The following CRBN variants were observed in gnomAD, a reference collection of about 807,000 sequenced individuals.
CRBN encodes cereblon.
Under a neutral mutation model 62.2 loss-of-function variants are expected in CRBN, and 53 were observed. The observed-to-expected ratio is 0.85, with a 90% CI of 0.68 to 1.07. CRBN has a LOEUF of 1.07. Among genes scored for constraint, CRBN ranks in the 50% least tolerant of loss-of-function variants. The pLI, the probability that CRBN is intolerant of heterozygous loss-of-function variation, is 0.00. For synonymous variants in CRBN, 208 were observed against 176.1 expected (o/e 1.18, Z -1.43); for missense variants, 616 against 531.1 (o/e 1.16, Z -1.57).
intron 4 of CRBN, among the ~76,000 whole-genome samples, chr3:3,170,555 T>C (rs534869601): frequency 4.6e-5 from 7 of 152,284 alleles, no homozygotes; most frequent in Admixed American, 3.3e-4. Flanking sequence ...ACCTCTCTAG[T>C]ACCTGGCATT....
At chr3:3,161,364 T>C (rs1269566922) in intron 5 of CRBN, among the ~76,000 whole-genome samples, 2 of 152,226 alleles carry the variant, frequency 1.3e-5, no homozygotes, top group African/African-American at 4.8e-5. Context: ...CAATGTAATA[T>C]ATTTCACTTA....
Position 3,159,426 on chromosome 3 carries a change from C to A in CRBN, c.688-3145G>T, listed in dbSNP as rs529742813. On this transcript the variant is annotated intron_variant, in intron 5 of 10. Transcript: ENST00000231948. ...TATCAGAATGGTCACTTTTGTAATA[C>A]AAAAGAAATGTAAAAAAGTGTAGTA... 7.9e-5 allele frequency among the ~76,000 whole-genome samples: 12 copies of A among 152,100 alleles called. No homozygotes were observed. In the South Asian group the frequency reaches 2.3e-3, roughly 29 times the overall value.
In CRBN at chr3:3,154,729, GA is replaced by G. The variant is rs1468957874; in HGVS notation, c.835+17del. ...GCAAGACATCCCAGGCTCCAGGCAGGAAACTAACTTTTCATACCTATTGGAT... is the reference window on the plus strand; with the variant it reads ...GCAAGACATCCCAGGCTCCAGGCAGGAACTAACTTTTCATACCTATTGGAT... On this transcript the variant is annotated intron_variant, in intron 7 of 10. Transcript: ENST00000231948. 1 of 1,426,304 alleles carries G rather than the reference GA, an allele frequency of 7.0e-7. No homozygotes were observed. The highest frequency in any genetic ancestry group is 1.7e-5 in the Admixed American group (1 of 59,734). 88.4% of individuals were successfully genotyped at this position (1,426,304 alleles called of 1,614,324 possible). A position where few individuals can be genotyped will look rare whatever the true frequency, so the allele number is the denominator to read the frequency against.
chr3:3,161,975 A>G (rs1707160154), intron 5 of CRBN, among the ~76,000 whole-genome samples: 1 of 152,230 alleles, frequency 6.6e-6, no homozygotes, highest in Admixed American at 6.5e-5. Flanking sequence ...AGAAAGAAAT[A>G]AGAACATTTG....
chr3:3,163,297 G>C (rs372167356), intron 5 of CRBN, among the ~76,000 whole-genome samples: 3 of 152,296 alleles, frequency 2.0e-5, no homozygotes, highest in Middle Eastern at 6.8e-3. Flanking sequence ...TCATTCCTTA[G>C]CATCGTCTCT....
At chr3:3,168,273 A>G (rs1034198594) in intron 4 of CRBN, among the ~76,000 whole-genome samples, 1 of 152,196 alleles carries the variant, frequency 6.6e-6, no homozygotes, top group African/African-American at 2.4e-5. Context: ...ATGCATTTAC[A>G]TGGATGAATT....
chr3:3,156,957 G>A (rs1706917785), intron 5 of CRBN, among the ~76,000 whole-genome samples: 1 of 152,078 alleles, frequency 6.6e-6, no homozygotes, highest in African/African-American at 2.4e-5. Context: ...GGAGAAATGT[G>A]AATTGTAGAA....
intron 5 of CRBN, chr3:3,167,403 T>C (rs1707392897): frequency 2.2e-6 from 1 of 457,708 alleles, no homozygotes; most frequent in Admixed American, 3.9e-5. Flanking sequence ...ATATAGCTGA[T>C]AAGCATAATA....
intron 5 of CRBN, among the ~76,000 whole-genome samples, chr3:3,165,066 A>C (rs961510537): frequency 6.6e-6 from 1 of 152,216 alleles, no homozygotes; most frequent in African/African-American, 2.4e-5. Context: ...GCCTTCAGTT[A>C]AGTAACTGCA....
At chr3:3,165,464 C>A (rs550381901) in intron 5 of CRBN, among the ~76,000 whole-genome samples, 5 of 152,184 alleles carry the variant, frequency 3.3e-5, no homozygotes, top group Non-Finnish European at 7.3e-5. Flanking sequence ...CAACCTTCAG[C>A]AACCACTACC....
At chr3:3,154,883 T>C (rs1706813592) in intron 6 of CRBN, 52 bp from the exon 7 acceptor site, 2 of 1,014,136 alleles carry the variant, frequency 2.0e-6, no homozygotes, top group African/African-American at 1.6e-5. Context: ...TATTAAAATT[T>C]ACTATTAAGC....
At chr3:3,155,159 A>C (rs1017788995) in intron 6 of CRBN, 6 of 311,154 alleles carry the variant, frequency 1.9e-5, no homozygotes, top group Non-Finnish European at 3.6e-5. Flanking sequence ...GACCCAGTCC[A>C]TAGGGATTAT....
intron 7 of CRBN, 149 bp downstream of exon 7, chr3:3,154,598 C>A (rs376073411): frequency 1.5e-5 from 9 of 607,456 alleles, no homozygotes; most frequent in Non-Finnish European, 2.6e-5. Flanking sequence ...CATTTTTTTT[C>A]AACTGCTCAA....
Position 3,152,487 on chromosome 3 carries a change from G to A in CRBN, c.1117C>T (p.Arg373Trp), listed in dbSNP as rs775940573. ...AACCAGCTGTGTTCTGTAGAAGGCCGGCCTATCAGATTCAAGTTGCAAGCC... is the reference window on the plus strand; with the variant it reads ...AACCAGCTGTGTTCTGTAGAAGGCCAGCCTATCAGATTCAAGTTGCAAGCC... ...YKACNLNLIG[R>W]PSTEHSWFPG... The change falls in exon 10 of 11, where the codon CGG becomes TGG. Residue 373 changes from arginine to tryptophan, a missense_variant. By Grantham distance (101) the Arg-to-Trp change is moderately radical. Transcript: ENST00000231948. 14 of 1,613,472 alleles carry A rather than the reference G, an allele frequency of 8.7e-6. No individual in the cohort carries two copies. The highest frequency in any genetic ancestry group is 2.2e-5 in the East Asian group (1 of 44,874).
chr3:3,153,525 A>C, intron 8 of CRBN, 37 bp from the exon 9 acceptor site: 1 of 1,126,128 alleles, frequency 8.9e-7, no homozygotes, highest in Non-Finnish European at 1.4e-6. Context: ...GGTAGGAAAA[A>C]CTGGCATTCA....
chr3:3,158,175 T>C (rs1419022071), intron 5 of CRBN, among the ~76,000 whole-genome samples: 1 of 152,232 alleles, frequency 6.6e-6, no homozygotes, highest in Non-Finnish European at 1.5e-5. Flanking sequence ...ATTACATTTA[T>C]CATTAGATTC....
At chr3:3,156,100 A>C in intron 6 of CRBN, 119 bp downstream of exon 6, 2 of 871,626 alleles carry the variant, frequency 2.3e-6, no homozygotes, top group Non-Finnish European at 3.8e-6. Flanking sequence ...CACCACTCTT[A>C]ACGATATCTT....
chr3:3,169,003 G>A (rs1047318867), intron 4 of CRBN, among the ~76,000 whole-genome samples: 2 of 152,006 alleles, frequency 1.3e-5, no homozygotes, highest in East Asian at 3.9e-4. Flanking sequence ...ACATTATGAA[G>A]GTAAAAGTAT....
At position 3,153,343 on chromosome 3, in the gene CRBN, A is replaced by G. The variant is rs1183351810; in HGVS notation, c.1016+81T>C. Reference sequence around the variant, plus strand: ...GTTTGTAACTTTAAGGTACTGGAGGAAAGTTTATGGAAAACAGAAATACAG... The same window carrying G: ...GTTTGTAACTTTAAGGTACTGGAGGGAAGTTTATGGAAAACAGAAATACAG... On this transcript the variant is annotated intron_variant, in intron 9 of 10. Transcript: ENST00000231948. 5 of 852,022 alleles carry G rather than the reference A, an allele frequency of 5.9e-6. 1 individual carries two copies. The highest frequency in any genetic ancestry group is 2.8e-5 in the South Asian group (2 of 72,330). 52.8% of individuals were successfully genotyped at this position (852,022 alleles called of 1,614,324 possible). A position where few individuals can be genotyped will look rare whatever the true frequency, so the allele number is the denominator to read the frequency against.
Sources: allele counts gnomAD v4.1 joint callset (sites outside exome capture counted in the v4.1 genomes callset), GRCh38; gene constraint gnomAD v4.1.1; transcripts MANE v1.5; gene names NCBI Gene and HGNC (gene_info 2026-07-23, HGNC 2026-07-21).